Variants in CENPM observed in about 807,000 individuals in gnomAD.
The protein encoded by CENPM is interphase centromere complex protein 39.
Under a neutral mutation model 19.6 loss-of-function variants are expected in CENPM, and 14 were observed. The observed-to-expected ratio is 0.71, with a 90% CI of 0.47 to 1.11. The LOEUF is 1.11. Among genes scored for constraint, CENPM ranks in the 50% most tolerant of loss-of-function variants. CENPM has a pLI of 0.00. For missense variants in CENPM, 239 were observed against 228.4 expected (o/e 1.05, Z -0.30); for synonymous variants, 114 against 101.5 (o/e 1.12, Z -0.74).
chr22:41,946,280 C>T, intron 2 of CENPM, 137 bp downstream of exon 2: 1 of 766,878 alleles, frequency 1.3e-6, no homozygotes, highest in Non-Finnish European at 2.2e-6. Context: ...CGGCATGGGA[C>T]TAGCCAGCTA....
intron 2 of CENPM, 45 bp downstream of exon 2, chr22:41,946,372 G>A (rs1194079540): frequency 1.3e-6 from 2 of 1,529,076 alleles, no homozygotes; most frequent in Admixed American, 1.7e-5. Context: ...GAATCCCTCT[G>A]GAGTGAGAGA....
Position 41,939,045 on chromosome 22 carries a change from G to A in CENPM, c.*11C>T, listed in dbSNP as rs377466334. 3.0e-5 allele frequency: 48 copies of A among 1,612,484 alleles called. No homozygotes were observed. Among genetic ancestry groups the A allele is most frequent in the Non-Finnish European group, 4.0e-5 (47 of 1,179,818 alleles). ...AGCCATGAGAAGGGGCAGCCCAGGG[G>A]CCAGCCACCCTCACAGGTCCTCCAG... is the stretch of plus-strand genomic sequence containing the variant. On this transcript the variant is annotated 3_prime_UTR_variant, in exon 6 of 6. Coordinates refer to ENST00000215980, the MANE Select transcript of CENPM (RefSeq NM_024053.5).
At chr22:41,942,990 G>A (rs543757036) in intron 5 of CENPM, among the ~76,000 whole-genome samples, 1 of 152,160 alleles carries the variant, frequency 6.6e-6, no homozygotes, top group South Asian at 2.1e-4. Flanking sequence ...ACCCCTCGTG[G>A]TTAGTTTCAC....
rs2077700340 is a variant in CENPM, at chr22:41,939,052, AC to A, written c.*3del. On this transcript the variant is annotated 3_prime_UTR_variant, in exon 6 of 6. Transcript: ENST00000215980. ...AGAAGGGGCAGCCCAGGGGCCAGCC[AC>A]CCTCACAGGTCCTCCAGGGAGGGGC... 1 of 1,612,570 alleles carries A rather than the reference AC, an allele frequency of 6.2e-7. No individual in the cohort carries two copies. Among genetic ancestry groups the A allele is most frequent in the African/African-American group, 1.3e-5 (1 of 74,942 alleles).
chr22:41,928,085 A>G, the CENPM span: 1 of 317,704 alleles, frequency 3.1e-6, no homozygotes. This position sits in a 1 kb window ranked among gnomAD's most constrained non-coding sequence, Gnocchi z 4.0. Context: ...CTGGGGCCTT[A>G]TCTAGCACAT....
At position 41,947,020 on chromosome 22, in the gene CENPM, C is replaced by T. The variant is rs766006744; in HGVS notation, c.57G>A (p.Leu19=). 6.2e-7 allele frequency: 1 copy of T among 1,612,834 alleles called. No individual in the cohort carries two copies. Among genetic ancestry groups the T allele is most frequent in the Admixed American group, 1.7e-5 (1 of 60,030 alleles). The change falls in exon 1 of 6, where the codon TTG becomes TTA. Residue 19 remains leucine, a splice_region_variant and synonymous_variant. Coordinates refer to ENST00000215980, the MANE Select transcript of CENPM (RefSeq NM_024053.5). ...GGGAAGCAGGGCCGCCTGCACCTAC[C>T]AAGATGGTGGCCGTGTTCAGGCCGG... The part of the protein sequence containing the change: ...KLPGLNTATI[L]LVGTEDALLQ...
At chr22:41,932,981 T>C in the CENPM span, among the ~76,000 whole-genome samples, 15 of 151,686 alleles carry the variant, frequency 9.9e-5, no homozygotes, top group African/African-American at 3.1e-4. The surrounding 1 kb of genome is among the most constrained non-coding windows in gnomAD (Gnocchi z 4.3). Context: ...ACGTAGTGGG[T>C]GGGGAGGTAA....
At chr22:41,944,578 T>C (rs1023499) in intron 4 of CENPM, 170,764 of 795,716 alleles carry the variant, frequency 0.21, 20,223 homozygotes, top group African/African-American at 0.38. Context: ...CTACCTCCAA[T>C]AGGAATATGA....
Position 41,946,453 on chromosome 22 carries a change from G to C in CENPM, c.101C>G (p.Ser34Trp), listed in dbSNP as rs2077803801. Residue 34 changes from serine to tryptophan, a missense_variant, in exon 2 of 6, where the codon TCG becomes TGG. Coordinates refer to ENST00000215980, the MANE Select transcript of CENPM (RefSeq NM_024053.5). ...GGAGGCGCAGTCCTCTTTGAGCATC[G>C]AGTCCGCCAGCTGCTGCAGAAGAGC... is the stretch of plus-strand genomic sequence containing the variant. ...EDALLQQLAD[S>W]MLKEDCASEL... is the part of the protein sequence containing the mutation. The C allele has an allele frequency of 1.2e-6, 2 of 1,612,888 alleles. No individual in the cohort carries two copies. Among genetic ancestry groups the C allele is most frequent in the Non-Finnish European group, 1.7e-6 (2 of 1,179,972 alleles).
chr22:41,938,105 G>A (rs1169929728), downstream of CENPM, among the ~76,000 whole-genome samples: 1 of 146,950 alleles, frequency 6.8e-6, no homozygotes, highest in African/African-American at 2.5e-5. Context: ...GCCTCCCAAA[G>A]TGCTGGAATT....
At chr22:41,931,336 G>T in the CENPM span, among the ~76,000 whole-genome samples, 2 of 151,386 alleles carry the variant, frequency 1.3e-5, no homozygotes, top group African/African-American at 4.8e-5. Context: ...AAAATTAGCC[G>T]GGTGTCGTAG....
intron 5 of CENPM, chr22:41,940,179 T>G (rs1267624292): frequency 1.3e-6 from 1 of 768,058 alleles, no homozygotes; most frequent in Non-Finnish European, 2.4e-6. Flanking sequence ...GCCCATGCAC[T>G]TGCTGTTCCT....
chr22:41,928,079 G>A, the CENPM span: 1 of 307,118 alleles, frequency 3.3e-6, no homozygotes, highest in Non-Finnish European at 6.6e-6. This position sits in a 1 kb window ranked among gnomAD's most constrained non-coding sequence, Gnocchi z 4.0. Flanking sequence ...GCTGGACTGG[G>A]GCCTTATCTA....
intron 4 of CENPM, chr22:41,944,104 G>A: frequency 1.0e-6 from 1 of 985,362 alleles, no homozygotes; most frequent in Non-Finnish European, 1.2e-6. Context: ...GTAGGGGTTA[G>A]CAAGACAAAG....
chr22:41,939,621 C>A (rs563546436), intron 5 of CENPM, among the ~76,000 whole-genome samples: 1 of 151,414 alleles, frequency 6.6e-6, no homozygotes, highest in Admixed American at 6.6e-5. Flanking sequence ...GGAGGGGCAG[C>A]GGGTGGCCCT....
Position 41,943,598 on chromosome 22 carries a change from C to A in CENPM, c.402+12G>T. The A allele has an allele frequency of 6.2e-7, 1 of 1,611,316 alleles. No homozygotes were observed. The highest frequency in any genetic ancestry group is 8.5e-7 in the Non-Finnish European group (1 of 1,178,228). On this transcript the variant is annotated intron_variant, in intron 5 of 5. Coordinates refer to ENST00000215980, the MANE Select transcript of CENPM (RefSeq NM_024053.5). The stretch of plus-strand genomic sequence containing the variant: ...CGAGTATAGTGTTGGTCTCTGTGAT[C>A]AGCATGCTCACCTCCAGGTCACAGT...
chr22:41,938,043 A>G (rs1056009590), downstream of CENPM, among the ~76,000 whole-genome samples: 27 of 149,872 alleles, frequency 1.8e-4, no homozygotes, highest in African/African-American at 6.4e-4. Flanking sequence ...GCAGAGTTTC[A>G]CTGTTAGCCA....
chr22:41,944,002 G>A (rs1272563086), intron 4 of CENPM, among the ~76,000 whole-genome samples: 1 of 152,192 alleles, frequency 6.6e-6, no homozygotes, highest in African/African-American at 2.4e-5. Flanking sequence ...CAGGCACTCT[G>A]CTCAAGGAGC....
chr22:41,928,610 C>T, the CENPM span, among the ~76,000 whole-genome samples: 17 of 152,094 alleles, frequency 1.1e-4, no homozygotes, highest in Middle Eastern at 6.8e-3. The surrounding 1 kb of genome is among the most constrained non-coding windows in gnomAD (Gnocchi z 4.0). Context: ...ACACTCCAGG[C>T]GGAGGGCTGC....
Sources: gnomAD v4.1 joint callset for allele counts (sites outside exome capture counted in the v4.1 genomes callset) on GRCh38, gnomAD v4.1.1 for gene constraint, Gnocchi (gnomAD v3.1) non-coding constraint, MANE v1.5 for transcripts, NCBI Gene and HGNC (gene_info 2026-07-23, HGNC 2026-07-21) for gene names.